The following AP2M1 variants were observed in gnomAD, a reference collection of about 807,000 sequenced individuals.
AP2M1 encodes AP-2 complex subunit mu.
AP2M1 carries 5 observed loss-of-function variants against 54.5 expected under a neutral mutation model. That is an observed-to-expected ratio of 0.09 (90% CI 0.05 to 0.19). The LOEUF (loss-of-function observed/expected upper bound fraction) is 0.19, where lower values mean the gene tolerates loss of function less well. AP2M1 is among the 10% of genes least tolerant of loss of function. The probability of loss-of-function intolerance (pLI) is 1.00; values close to 1 mark genes in which losing one functional copy is unlikely to be tolerated. For missense variants in AP2M1, 178 were observed against 580.2 expected, an observed-to-expected ratio of 0.31 and a Z score of 7.12; for synonymous variants, 186 against 208.2, an observed-to-expected ratio of 0.89 and a Z score of 0.92.
chr3:184,174,907 C>T lies in AP2M1; in HGVS notation c.-96C>T, dbSNP rs34046300. 2.5e-6 allele frequency: 1 copy of T among 398,510 alleles called. No individual in the cohort carries two copies. The highest frequency in any genetic ancestry group is 4.4e-5 in the Admixed American group (1 of 22,722). The allele number at this position is 398,510 out of a possible 1,614,324, so 24.7% of individuals were successfully genotyped here. A position where few individuals can be genotyped will look rare whatever the true frequency, so the allele number is the denominator to read the frequency against. ...AGACGAGCAGGGGGCGGGCGGACAT[C>T]TTGGGATCCGGAGAGTGGCCGGGCC... On this transcript the variant is annotated 5_prime_UTR_variant, in exon 1 of 12. Transcript: ENST00000292807.
Position 184,182,457 on chromosome 3 carries a change from C to T in AP2M1, c.1061+209C>T, listed in dbSNP as rs371595603. Among the ~76,000 whole-genome samples, 1 of 151,980 alleles carries T rather than the reference C, an allele frequency of 6.6e-6. No homozygotes were observed. The highest frequency in any genetic ancestry group is 6.6e-5 in the Admixed American group (1 of 15,260). On this transcript the variant is annotated intron_variant, in intron 10 of 11. Coordinates refer to ENST00000292807, the MANE Select transcript of AP2M1 (RefSeq NM_004068.4). This position sits in a 1 kb window ranked among gnomAD's most constrained non-coding sequence, Gnocchi z 5.5. ...ATGCACGTGCTTATTTTTTAAGATG[C>T]TTTGGCATTTCCCTTTGTAATGTAT...
At chr3:184,179,857 C>T (rs532519246) in intron 3 of AP2M1, among the ~76,000 whole-genome samples, 6 of 152,160 alleles carry the variant, frequency 3.9e-5, no homozygotes, top group South Asian at 2.1e-4. Flanking sequence ...AGCTGGGTCT[C>T]GCTATGTTGC....
chr3:184,181,604 G>A lies in AP2M1; in HGVS notation c.708-92G>A, dbSNP rs1180247548. 1 of 1,522,642 alleles carries A rather than the reference G, an allele frequency of 6.6e-7. No homozygotes were observed. Among genetic ancestry groups the A allele is most frequent in the Non-Finnish European group, 9.0e-7 (1 of 1,112,762 alleles). The allele number at this position is 1,522,642 out of a possible 1,614,324, so 94.3% of individuals were successfully genotyped here. A position where few individuals can be genotyped will look rare whatever the true frequency, so the allele number is the denominator to read the frequency against. ...AGCTGCATTCTAGCAGCTTTTCATA[G>A]TCTCTGGTGCCAGCCTGGGGTGGAG... On this transcript the variant is annotated intron_variant, in intron 7 of 11. Coordinates refer to ENST00000292807, the MANE Select transcript of AP2M1 (RefSeq NM_004068.4). This position sits in a 1 kb window ranked among gnomAD's most constrained non-coding sequence, Gnocchi z 5.7.
chr3:184,182,453 G>T lies in AP2M1; in HGVS notation c.1061+205G>T, dbSNP rs1715305264. The T allele has an allele frequency of 1.6e-6, 1 of 609,840 alleles. No individual in the cohort carries two copies. Among genetic ancestry groups the T allele is most frequent in the African/African-American group, 1.8e-5 (1 of 54,150 alleles). 37.8% of individuals were successfully genotyped at this position (609,840 alleles called of 1,614,324 possible). On this transcript the variant is annotated intron_variant, in intron 10 of 11. Coordinates refer to ENST00000292807, the MANE Select transcript of AP2M1 (RefSeq NM_004068.4). This position sits in a 1 kb window ranked among gnomAD's most constrained non-coding sequence, Gnocchi z 5.5. ...GTTCATGCACGTGCTTATTTTTTAA[G>T]ATGCTTTGGCATTTCCCTTTGTAAT...
chr3:184,178,713 G>C lies in AP2M1; in HGVS notation c.75-144G>C. ...GAGTCATAAGAAGGGAACCACTCCAGTGGTTTAGGCATTGGCTTTCTTTGG... is the reference window on the plus strand; with the variant it reads ...GAGTCATAAGAAGGGAACCACTCCACTGGTTTAGGCATTGGCTTTCTTTGG... On this transcript the variant is annotated intron_variant, in intron 2 of 11. Coordinates refer to ENST00000292807, the MANE Select transcript of AP2M1 (RefSeq NM_004068.4). The surrounding 1 kb of genome is among the most constrained non-coding windows in gnomAD (Gnocchi z 4.9). The C allele has an allele frequency of 9.4e-7, 1 of 1,066,090 alleles. No individual in the cohort carries two copies. Among genetic ancestry groups the C allele is most frequent in the Non-Finnish European group, 1.3e-6 (1 of 746,586 alleles). 66.0% of individuals were successfully genotyped at this position (1,066,090 alleles called of 1,614,324 possible).
Position 184,178,124 on chromosome 3 carries a change from G to A in AP2M1, c.75-733G>A, listed in dbSNP as rs540904280. On this transcript the variant is annotated intron_variant, in intron 2 of 11. Transcript: ENST00000292807. This position sits in a 1 kb window ranked among gnomAD's most constrained non-coding sequence, Gnocchi z 4.9. ...GCCTCACGGTGTGTGCCGCCCTCCC[G>A]GTGTGTTGTGTGTCTAACCCTCTCT... 312 of 1,410,778 alleles carry A rather than the reference G, an allele frequency of 2.2e-4. 2 individuals carry two copies. In the African/African-American group the frequency reaches 3.3e-3, roughly 15 times the overall value. The allele number at this position is 1,410,778 out of a possible 1,614,324, so 87.4% of individuals were successfully genotyped here. A position where few individuals can be genotyped will look rare whatever the true frequency, so the allele number is the denominator to read the frequency against.
intron 2 of AP2M1, chr3:184,177,408 G>A (rs1715109029): frequency 1.3e-6 from 1 of 748,962 alleles, no homozygotes; most frequent in Non-Finnish European, 2.2e-6. Flanking sequence ...CCAGTGGGTG[G>A]GGTTAGTGGC....
In AP2M1 at chr3:184,183,208, T is replaced by C; in HGVS notation, c.1174-274T>C. Reference sequence around the variant, plus strand: ...TAGACATAATTTTCTCCACCTTATTTTTAAGTTCATAATATTGAGCAGGAT... The same window carrying C: ...TAGACATAATTTTCTCCACCTTATTCTTAAGTTCATAATATTGAGCAGGAT... On this transcript the variant is annotated intron_variant, in intron 11 of 11. Transcript: ENST00000292807. The surrounding 1 kb of genome is among the most constrained non-coding windows in gnomAD (Gnocchi z 5.7). 2 of 559,382 alleles carry C rather than the reference T, an allele frequency of 3.6e-6. No homozygotes were observed. The highest frequency in any genetic ancestry group is 6.4e-6 in the Non-Finnish European group (2 of 314,332). The allele number at this position is 559,382 out of a possible 1,614,324, so 34.7% of individuals were successfully genotyped here. A position where few individuals can be genotyped will look rare whatever the true frequency, so the allele number is the denominator to read the frequency against.
intron 2 of AP2M1, chr3:184,177,543 G>T (rs913069442): frequency 1.3e-6 from 2 of 1,535,790 alleles, no homozygotes; most frequent in South Asian, 1.2e-5. Context: ...CCTTTCTCAG[G>T]AGTCGTCAGG....
chr3:184,177,837 CAG>C, intron 2 of AP2M1: 1 of 594,772 alleles, frequency 1.7e-6, no homozygotes, highest in Non-Finnish European at 3.0e-6. Flanking sequence ...TTTTCTTCCT[CAG>C]AGAGCTTGAG....
Position 184,180,066 on chromosome 3 carries a change from C to A in AP2M1, c.341-103C>A. The A allele has an allele frequency of 9.9e-7, 1 of 1,013,524 alleles. No homozygotes were observed. Among genetic ancestry groups the A allele is most frequent in the Non-Finnish European group, 1.5e-6 (1 of 662,934 alleles). The allele number at this position is 1,013,524 out of a possible 1,614,324, so 62.8% of individuals were successfully genotyped here. A position where few individuals can be genotyped will look rare whatever the true frequency, so the allele number is the denominator to read the frequency against. Reference sequence around the variant, plus strand: ...CTAGAAGACTTTCTTGCGGATGATCCCACATGGGCTTTGGGAGCTGTGCCG... The same window carrying A: ...CTAGAAGACTTTCTTGCGGATGATCACACATGGGCTTTGGGAGCTGTGCCG... On this transcript the variant is annotated intron_variant, in intron 3 of 11. Transcript: ENST00000292807. The surrounding 1 kb of genome is among the most constrained non-coding windows in gnomAD (Gnocchi z 4.9).
In AP2M1 at chr3:184,180,380, C is replaced by T. The variant is rs1200094720; in HGVS notation, c.423+129C>T. On this transcript the variant is annotated intron_variant, in intron 4 of 11. Coordinates refer to ENST00000292807, the MANE Select transcript of AP2M1 (RefSeq NM_004068.4). This position sits in a 1 kb window ranked among gnomAD's most constrained non-coding sequence, Gnocchi z 4.9. ...AGGAAGTGCTGGCCTGAGCCTCCTG[C>T]CATGATTGCAGGCCGATTTTGCTCT... 4 of 1,253,058 alleles carry T rather than the reference C, an allele frequency of 3.2e-6. No individual in the cohort carries two copies. The East Asian group carries it at 1.0e-4, about 31-fold the overall frequency. The allele number at this position is 1,253,058 out of a possible 1,614,324, so 77.6% of individuals were successfully genotyped here. A position where few individuals can be genotyped will look rare whatever the true frequency, so the allele number is the denominator to read the frequency against.
Position 184,182,449 on chromosome 3 carries a change from T to G in AP2M1, c.1061+201T>G, listed in dbSNP as rs916270362. 3 of 611,708 alleles carry G rather than the reference T, an allele frequency of 4.9e-6. No individual in the cohort carries two copies. The African/African-American group carries it at 5.5e-5, about 11-fold the overall frequency. The allele number at this position is 611,708 out of a possible 1,614,324, so 37.9% of individuals were successfully genotyped here. ...TTGGGTTCATGCACGTGCTTATTTT[T>G]TAAGATGCTTTGGCATTTCCCTTTG... On this transcript the variant is annotated intron_variant, in intron 10 of 11. Transcript: ENST00000292807. The surrounding 1 kb of genome is among the most constrained non-coding windows in gnomAD (Gnocchi z 5.5).
chr3:184,179,427 T>G (rs1457553964), intron 3 of AP2M1: 1 of 368,448 alleles, frequency 2.7e-6, no homozygotes, highest in East Asian at 5.7e-5. Context: ...GGCTTGGACC[T>G]TAGTTCACTA....
rs1577060472 is a variant in AP2M1, at chr3:184,182,487, T to G, written c.1061+239T>G. Among the ~76,000 whole-genome samples the G allele has an allele frequency of 1.3e-5, 2 of 152,052 alleles. No homozygotes were observed. The highest frequency in any genetic ancestry group is 4.8e-5 in the African/African-American group (2 of 41,400). ...GCATTTCCCTTTGTAATGTATACAT[T>G]ACAAAGGGAATACATTGCCTTTGTA... On this transcript the variant is annotated intron_variant, in intron 10 of 11. Coordinates refer to ENST00000292807, the MANE Select transcript of AP2M1 (RefSeq NM_004068.4). This position sits in a 1 kb window ranked among gnomAD's most constrained non-coding sequence, Gnocchi z 5.5.
In AP2M1 at chr3:184,180,801, A is replaced by G. The variant is rs1274977117; in HGVS notation, c.430-48A>G. 6.2e-7 allele frequency: 1 copy of G among 1,614,244 alleles called. No homozygotes were observed. The highest frequency in any genetic ancestry group is 1.7e-5 in the Admixed American group (1 of 60,036). ...GTGGGGATAGAGACAGGATGATTAA[A>G]GGGACAGAGGAGTGAGGCCATTGCT... On this transcript the variant is annotated intron_variant, in intron 5 of 11. Coordinates refer to ENST00000292807, the MANE Select transcript of AP2M1 (RefSeq NM_004068.4). This position sits in a 1 kb window ranked among gnomAD's most constrained non-coding sequence, Gnocchi z 4.9.
intron 3 of AP2M1, 33 bp downstream of exon 3, chr3:184,179,155 T>C: frequency 6.2e-7 from 1 of 1,604,812 alleles, no homozygotes; most frequent in Non-Finnish European, 8.5e-7. Context: ...GCAGCGGGCG[T>C]AGGGTGGGAA....
rs1349677366 is a variant in AP2M1, at chr3:184,181,527, T to C, written c.708-169T>C. On this transcript the variant is annotated intron_variant, in intron 7 of 11. Transcript: ENST00000292807. This position sits in a 1 kb window ranked among gnomAD's most constrained non-coding sequence, Gnocchi z 5.7. ...GCAGAAGGAGCCCCAAGAGATGAGC[T>C]TGCAAGGCTTCCCTCTCATCCCAAG... 4.1e-6 allele frequency: 4 copies of C among 987,478 alleles called. No individual in the cohort carries two copies. The highest frequency in any genetic ancestry group is 5.9e-6 in the Non-Finnish European group (4 of 680,328). 61.2% of individuals were successfully genotyped at this position (987,478 alleles called of 1,614,324 possible).
Position 184,180,365 on chromosome 3 carries a change from G to T in AP2M1, c.423+114G>T. The T allele has an allele frequency of 3.0e-6, 4 of 1,329,622 alleles. No homozygotes were observed. The highest frequency in any genetic ancestry group is 4.2e-6 in the Non-Finnish European group (4 of 959,330). The allele number at this position is 1,329,622 out of a possible 1,614,324, so 82.4% of individuals were successfully genotyped here. A position where few individuals can be genotyped will look rare whatever the true frequency, so the allele number is the denominator to read the frequency against. ...GAGCCCTCCCATGACAGGAAGTGCT[G>T]GCCTGAGCCTCCTGCCATGATTGCA... is the stretch of plus-strand genomic sequence containing the variant. On this transcript the variant is annotated intron_variant, in intron 4 of 11. Coordinates refer to ENST00000292807, the MANE Select transcript of AP2M1 (RefSeq NM_004068.4). The surrounding 1 kb of genome is among the most constrained non-coding windows in gnomAD (Gnocchi z 4.9).
Sources: gnomAD v4.1 joint callset for allele counts (sites outside exome capture counted in the v4.1 genomes callset) on GRCh38, gnomAD v4.1.1 for gene constraint, Gnocchi (gnomAD v3.1) non-coding constraint, MANE v1.5 for transcripts, NCBI Gene and HGNC (gene_info 2026-07-23, HGNC 2026-07-21) for gene names.